The following CRAMP1 variants were observed in gnomAD, a reference collection of about 807,000 sequenced individuals.
CRAMP1 encodes the protein protein cramped-like.
Under a neutral mutation model 115.4 loss-of-function variants are expected in CRAMP1, and 50 were observed. The ratio of observed to expected loss-of-function variants is 0.43; its 90% confidence interval spans 0.35 to 0.55. The LOEUF (loss-of-function observed/expected upper bound fraction) is 0.55, where lower values mean the gene tolerates loss of function less well. CRAMP1 is among the 20% of genes least tolerant of loss of function. The pLI is 0.01. For missense variants in CRAMP1, 1,679 were observed against 1,721.7 expected, an observed-to-expected ratio of 0.98 and a Z score of 0.44; for synonymous variants, 866 against 745.4, an observed-to-expected ratio of 1.16 and a Z score of -2.64.
At chr16:1,670,833 G>A (rs1426388384) in intron 20 of CRAMP1, 24 bp downstream of exon 20, 2 of 1,610,884 alleles carry the variant, frequency 1.2e-6, no homozygotes, top group South Asian at 1.1e-5. Context: ...CCTCACAGCT[G>A]CACCTGACCA....
At chr16:1,629,598 C>A (rs113072739) in intron 3 of CRAMP1, among the ~76,000 whole-genome samples, 50 of 152,122 alleles carry the variant, frequency 3.3e-4, no homozygotes, top group African/African-American at 1.2e-3. Flanking sequence ...GCCTGGAACT[C>A]AGGTTCTCAG....
intron 7 of CRAMP1, among the ~76,000 whole-genome samples, 186 bp from the exon 8 acceptor site, chr16:1,652,847 G>A (rs1416119691): frequency 6.6e-6 from 1 of 152,166 alleles, no homozygotes; most frequent in Non-Finnish European, 1.5e-5. Context: ...ACCAGTCTGT[G>A]GCCTTTGCAA....
chr16:1,662,707 G>A (rs200545663), intron 12 of CRAMP1, 36 bp downstream of exon 12: 28 of 1,613,654 alleles, frequency 1.7e-5, no homozygotes, highest in Middle Eastern at 1.6e-4. Context: ...GCGTGCGAGC[G>A]TCCCCGTGGT....
rs2036400712 is a variant in CRAMP1, at chr16:1,614,628, C to G, written c.-1-11C>G. The G allele has an allele frequency of 8.1e-7, 1 of 1,238,392 alleles. No individual in the cohort carries two copies. Among genetic ancestry groups the G allele is most frequent in the Non-Finnish European group, 1.0e-6 (1 of 986,358 alleles). 76.7% of individuals were successfully genotyped at this position (1,238,392 alleles called of 1,614,324 possible). ...CCGCCTCACCGGCCGCCTCCCCTCT[C>G]CCGGCCGCAGGATGACAGTGAAGTT... On this transcript the variant is annotated splice_polypyrimidine_tract_variant and intron_variant, in intron 1 of 20. Coordinates refer to ENST00000397412, the MANE Select transcript of CRAMP1 (RefSeq NM_020825.4). This position sits in a 1 kb window ranked among gnomAD's most constrained non-coding sequence, Gnocchi z 4.4.
chr16:1,620,007 C>T (rs111598603), intron 2 of CRAMP1, among the ~76,000 whole-genome samples: 6 of 152,146 alleles, frequency 3.9e-5, no homozygotes, highest in Non-Finnish European at 8.8e-5. Context: ...GACACCACTG[C>T]GTGTGCATGA....
rs1257007578 is a variant in CRAMP1 at position 1,669,750 on chromosome 16, A to G, written c.3499+585A>G. ...CCCTGCTGCTGTTGCCTGCCCAGAG[A>G]GAGCTCCCATTTGGATGTCTGGGGT... On this transcript the variant is annotated intron_variant, in intron 19 of 20. Coordinates refer to ENST00000397412, the MANE Select transcript of CRAMP1 (RefSeq NM_020825.4). This position sits in a 1 kb window ranked among gnomAD's most constrained non-coding sequence, Gnocchi z 4.6. Among the ~76,000 whole-genome samples the G allele has an allele frequency of 6.6e-6, 1 of 152,182 alleles. No individual in the cohort carries two copies. Among genetic ancestry groups the G allele is most frequent in the African/African-American group, 2.4e-5 (1 of 41,454 alleles).
intron 14 of CRAMP1, 94 bp from the exon 15 acceptor site, chr16:1,665,979 C>A: frequency 3.8e-6 from 3 of 788,650 alleles, no homozygotes; most frequent in Non-Finnish European, 6.4e-6. Context: ...ACACTCCCAA[C>A]AGTGGCTGTA....
At chr16:1,668,312 T>A (rs1307054844) in intron 18 of CRAMP1, 119 bp downstream of exon 18, 3 of 798,052 alleles carry the variant, frequency 3.8e-6, no homozygotes. Context: ...TGAAAACCTG[T>A]CACCTACAAG....
intron 2 of CRAMP1, among the ~76,000 whole-genome samples, chr16:1,622,002 A>G (rs1368638791): frequency 6.6e-6 from 1 of 151,758 alleles, no homozygotes; most frequent in African/African-American, 2.4e-5. Flanking sequence ...TTCTGTTTTC[A>G]TCTGAATTTC....
At position 1,655,906 on chromosome 16, in the gene CRAMP1, G is replaced by GGACTCATGCTCC. The variant is rs1401307044; in HGVS notation, c.1151_1162dup (p.Asp384_Ser387dup). The stretch of plus-strand genomic sequence containing the variant: ...AGACACTCGAGGAGCGGCAGCTGCA[G>GGACTCATGCTCC]GACTCATGCTCCGCACCGATGCAGG... On this transcript the variant is annotated inframe_insertion, in exon 10 of 21. Coordinates refer to ENST00000397412, the MANE Select transcript of CRAMP1 (RefSeq NM_020825.4). 6.2e-7 allele frequency: 1 copy of GGACTCATGCTCC among 1,611,614 alleles called. No individual in the cohort carries two copies. The highest frequency in any genetic ancestry group is 1.1e-5 in the South Asian group (1 of 91,022).
In CRAMP1 at chr16:1,653,114, C is replaced by G. The variant is rs1298207578; in HGVS notation, c.995C>G (p.Ala332Gly). 1.2e-6 allele frequency: 2 copies of G among 1,611,764 alleles called. No individual in the cohort carries two copies. Among genetic ancestry groups the G allele is most frequent in the Non-Finnish European group, 1.7e-6 (2 of 1,178,920 alleles). Residue 332 changes from alanine to glycine, a missense_variant, in exon 8 of 21, where the codon GCC becomes GGC. By Grantham distance (60) the Ala-to-Gly change is moderately conservative (BLOSUM62 0). Transcript: ENST00000397412. ...PIELQPRNNH[A>G]WARVQSLAQN... Reference sequence around the variant, plus strand: ...GAGCTACAGCCGCGGAACAACCACGCCTGGGCCCGTGTGCAGAGCCTTGCC... The same window carrying G: ...GAGCTACAGCCGCGGAACAACCACGGCTGGGCCCGTGTGCAGAGCCTTGCC...
chr16:1,632,655 T>C (rs1260364679), intron 4 of CRAMP1, among the ~76,000 whole-genome samples: 1 of 152,218 alleles, frequency 6.6e-6, no homozygotes, highest in Non-Finnish European at 1.5e-5. Context: ...GAGTTCTGGG[T>C]CCCTGGCTCA....
At position 1,656,692 on chromosome 16, in the gene CRAMP1, C is replaced by T. The variant is rs544703158; in HGVS notation, c.1935C>T (p.Ser645=). Residue 645 remains serine, a synonymous_variant, in exon 10 of 21, where the codon AGC becomes AGT. Transcript: ENST00000397412. The surrounding 1 kb of genome is among the most constrained non-coding windows in gnomAD (Gnocchi z 5.6). ...CGGAGGAGCTCCAGGAGAAGGGGAG[C>T]CCCGCGGGGCCTCCGCCGTCTCAGG... ...APAEELQEKG[S]PAGPPPSQGQ... is the part of the protein sequence containing the mutation. 2.9e-4 allele frequency: 456 copies of T among 1,561,774 alleles called. 2 individuals are homozygous for T. Among genetic ancestry groups the T allele is most frequent in the South Asian group, 2.0e-3 (173 of 84,854 alleles).
Position 1,637,869 on chromosome 16 carries a change from T to C in CRAMP1, c.740T>C (p.Leu247Pro). 1 of 1,569,460 alleles carries C rather than the reference T, an allele frequency of 6.4e-7. No homozygotes were observed. Among genetic ancestry groups the C allele is most frequent in the South Asian group, 1.2e-5 (1 of 83,608 alleles). ...LKKSSQELYG[L>P]ICYGELRKKI... ...AAGTCATCCCAGGAACTGTATGGCCTGATCTGCTATGGCGAGCTGCGCAAG... is the reference window on the plus strand; with the variant it reads ...AAGTCATCCCAGGAACTGTATGGCCCGATCTGCTATGGCGAGCTGCGCAAG... The change falls in exon 5 of 21, where the codon CTG (leucine) becomes CCG (proline). Residue 247 changes from leucine to proline, a missense_variant. Physicochemically the swap from Leu to Pro is moderately conservative, Grantham distance 98 (BLOSUM62 -3). This residue lies in a region of CRAMP1 where 42 missense variants were observed against 42.3 expected (regional missense o/e 0.99). Coordinates refer to ENST00000397412, the MANE Select transcript of CRAMP1 (RefSeq NM_020825.4).
intron 6 of CRAMP1, among the ~76,000 whole-genome samples, chr16:1,644,765 A>G (rs950230214): frequency 6.6e-6 from 1 of 152,290 alleles, no homozygotes; most frequent in Admixed American, 6.5e-5. Context: ...TTGCAGCAGG[A>G]GAGCCCCTCG....
At chr16:1,638,137 G>GCACACATGTGTT (rs2036603410) in intron 5 of CRAMP1, among the ~76,000 whole-genome samples, 1 of 152,270 alleles carries the variant, frequency 6.6e-6, no homozygotes, top group South Asian at 2.1e-4. Context: ...ATGCTCGCGT[G>GCACACATGTGTT]CACACATGTG....
At chr16:1,627,510 A>G (rs1480548833) in intron 3 of CRAMP1, among the ~76,000 whole-genome samples, 5 of 152,158 alleles carry the variant, frequency 3.3e-5, no homozygotes, top group African/African-American at 4.8e-5. Context: ...CTGGAATGAG[A>G]TGTTTAGAGA....
chr16:1,637,001 CAG>C (rs980058996), intron 4 of CRAMP1, among the ~76,000 whole-genome samples: 5 of 152,156 alleles, frequency 3.3e-5, no homozygotes, highest in Admixed American at 6.5e-5. Flanking sequence ...CCAAATAAAA[CAG>C]GGGCCTTGGC....
chr16:1,640,622 T>C (rs891487355), intron 5 of CRAMP1, among the ~76,000 whole-genome samples: 3 of 152,178 alleles, frequency 2.0e-5, no homozygotes, highest in Non-Finnish European at 4.4e-5. Context: ...TCACAGGAAA[T>C]GGGGCGTCTG....
Sources: allele counts gnomAD v4.1 joint callset (sites outside exome capture counted in the v4.1 genomes callset), GRCh38; gene constraint gnomAD v4.1.1; regional missense constraint gnomAD v4.1.1; non-coding constraint Gnocchi (gnomAD v3.1); transcripts MANE v1.5; gene names NCBI Gene and HGNC (gene_info 2026-07-23, HGNC 2026-07-21).